Variants in HDX observed in about 807,000 individuals in gnomAD.
HDX encodes the protein chromosome X open reading frame 43.
In HDX, 19 loss-of-function variants were observed where a neutral mutation model predicts 45.2. The observed-to-expected ratio is 0.42, with a 90% CI of 0.29 to 0.62. The LOEUF (loss-of-function observed/expected upper bound fraction) is 0.62, where lower values mean the gene tolerates loss of function less well. HDX is among the 20% of genes least tolerant of loss of function. HDX has a pLI of 0.20. For missense variants in HDX, 532 were observed against 493.9 expected (o/e 1.08, Z -0.73); for synonymous variants, 188 against 172.8 (o/e 1.09, Z -0.69).
chrX:84,480,403 A>G (rs2040651622), intron 2 of HDX, among the ~76,000 whole-genome samples: 1 of 111,811 alleles, frequency 8.9e-6, no homozygotes, highest in South Asian at 3.7e-4. Flanking sequence ...CTATGAGAGT[A>G]GACATTCTTG....
intron 5 of HDX, among the ~76,000 whole-genome samples, chrX:84,419,499 T>G (rs1260887463): frequency 9.0e-6 from 1 of 111,650 alleles, no homozygotes; most frequent in East Asian, 2.8e-4. Context: ...GGTGTCTGAG[T>G]GCCATCTCAG....
At chrX:84,495,003 A>G (rs566152353) in intron 1 of HDX, among the ~76,000 whole-genome samples, 4 of 111,743 alleles carry the variant, frequency 3.6e-5, no homozygotes, top group African/African-American at 1.3e-4. Flanking sequence ...ATGGAATACC[A>G]TTCAGCATTG....
At chrX:84,459,290 A>G (rs2040184206) in intron 4 of HDX, among the ~76,000 whole-genome samples, 1 of 110,015 alleles carries the variant, frequency 9.1e-6, no homozygotes, top group Admixed American at 9.7e-5. Flanking sequence ...AAAATACAAA[A>G]AATTAGCCGG....
intron 2 of HDX, among the ~76,000 whole-genome samples, chrX:84,480,241 G>C (rs1256840227): frequency 9.0e-6 from 1 of 111,579 alleles, no homozygotes; most frequent in Non-Finnish European, 1.9e-5. Flanking sequence ...ACTAGTTCCA[G>C]GGGATTCAGT....
chrX:84,323,447 A>T (rs1214754373), intron 10 of HDX, among the ~76,000 whole-genome samples: 2 of 111,420 alleles, frequency 1.8e-5, no homozygotes, highest in African/African-American at 6.5e-5. Context: ...CATATTAAAG[A>T]GGAGAAAGTG....
At chrX:84,341,555 T>C (rs2037085312) in intron 7 of HDX, among the ~76,000 whole-genome samples, 1 of 110,216 alleles carries the variant, frequency 9.1e-6, no homozygotes, top group African/African-American at 3.3e-5. Flanking sequence ...CCTACTGCAA[T>C]CTGCTTGCCT....
chrX:84,400,273 T>G (rs778004966), intron 5 of HDX, among the ~76,000 whole-genome samples: 1 of 110,258 alleles, frequency 9.1e-6, no homozygotes, highest in Admixed American at 9.8e-5. Context: ...TGTCTCTGTT[T>G]GCAGACAATA....
intron 5 of HDX, among the ~76,000 whole-genome samples, chrX:84,397,222 G>A (rs1010098177): frequency 6.2e-5 from 7 of 112,030 alleles, no homozygotes; most frequent in Admixed American, 1.9e-4. Flanking sequence ...GCTGATAGCC[G>A]TCAGCCAGTG....
rs1179420581 is a variant in HDX, at chrX:84,320,275, GA to G, written c.*1613del. ...TTTGCAAAACTCCATATGGCTCAAGGAAGCATATCTGAACACTGAAATATTC... is the reference window on the plus strand; with the variant it reads ...TTTGCAAAACTCCATATGGCTCAAGGAGCATATCTGAACACTGAAATATTC... On this transcript the variant is annotated 3_prime_UTR_variant, in exon 11 of 11. Coordinates refer to ENST00000373177, the MANE Select transcript of HDX (RefSeq NM_001177479.2). 2 of 110,704 alleles carry G rather than the reference GA, an allele frequency of 1.8e-5. No homozygotes were observed. The highest frequency in any genetic ancestry group is 3.8e-5 in the Non-Finnish European group (2 of 52,434). The allele number at this position is 110,704 out of a possible 1,213,427, so 9.1% of individuals were successfully genotyped here.
chrX:84,398,591 A>G (rs1362878732), intron 5 of HDX, among the ~76,000 whole-genome samples: 1 of 111,995 alleles, frequency 8.9e-6, no homozygotes, highest in Non-Finnish European at 1.9e-5. Flanking sequence ...AGACCTACAA[A>G]GAGACTTAGA....
At chrX:84,439,903 G>A (rs1417295280) in intron 5 of HDX, 4 of 111,300 alleles carry the variant, frequency 3.6e-5, no homozygotes, top group African/African-American at 1.3e-4. Flanking sequence ...GTCAATTCAT[G>A]TATCTTTTAT....
At chrX:84,459,110 T>G (rs1024087365) in intron 4 of HDX, among the ~76,000 whole-genome samples, 1 of 111,381 alleles carries the variant, frequency 9.0e-6, no homozygotes, top group African/African-American at 3.3e-5. Flanking sequence ...AAATGGAAAT[T>G]AAACGATATG....
intron 5 of HDX, among the ~76,000 whole-genome samples, chrX:84,364,323 G>A (rs2037688777): frequency 9.1e-6 from 1 of 109,806 alleles, no homozygotes; most frequent in Admixed American, 9.8e-5. Context: ...ACTTAATAGT[G>A]TGTGTTAGAG....
chrX:84,460,934 T>C (rs2148118669), intron 4 of HDX, among the ~76,000 whole-genome samples: 1 of 111,214 alleles, frequency 9.0e-6, no homozygotes, highest in East Asian at 2.8e-4. Context: ...TTACAATAGC[T>C]ACAAAAATAA....
intron 5 of HDX, among the ~76,000 whole-genome samples, chrX:84,389,876 C>T (rs943797337): frequency 4.0e-4 from 44 of 110,714 alleles, no homozygotes; most frequent in Middle Eastern, 4.2e-3. Context: ...ACATGTCTGT[C>T]GGGAATGCGT....
intron 4 of HDX, among the ~76,000 whole-genome samples, chrX:84,448,377 C>A (rs953902130): frequency 9.0e-6 from 1 of 110,636 alleles, no homozygotes; most frequent in Non-Finnish European, 1.9e-5. Context: ...CTGTTAATAC[C>A]AGTGCCAGAG....
intron 6 of HDX, among the ~76,000 whole-genome samples, chrX:84,351,015 CTATCT>C (rs2037336230): frequency 1.5e-5 from 1 of 66,273 alleles, no homozygotes; most frequent in East Asian, 1.0e-3. Flanking sequence ...TCCAGGCTAT[CTATCT>C]ATCTATCTAT....
intron 4 of HDX, among the ~76,000 whole-genome samples, chrX:84,454,367 G>A (rs1311959919): frequency 9.0e-6 from 1 of 111,363 alleles, no homozygotes; most frequent in Non-Finnish European, 1.9e-5. Context: ...AGAGTCTCAA[G>A]TATGGCAATA....
At chrX:84,325,103 A>G (rs2036680885) in intron 10 of HDX, among the ~76,000 whole-genome samples, 1 of 110,771 alleles carries the variant, frequency 9.0e-6, no homozygotes, top group African/African-American at 3.3e-5. Flanking sequence ...GTGAAACTTG[A>G]CACATAATAT....
Sources: gnomAD v4.1 joint callset for allele counts (sites outside exome capture counted in the v4.1 genomes callset) on GRCh38, gnomAD v4.1.1 for gene constraint, MANE v1.5 for transcripts, NCBI Gene and HGNC (gene_info 2026-07-23, HGNC 2026-07-21) for gene names.